The following FOXN3 variants were observed in gnomAD, a reference collection of about 807,000 sequenced individuals.
FOXN3 encodes forkhead box protein N3.
FOXN3 carries 7 observed loss-of-function variants against 38.4 expected under a neutral mutation model. That is an observed-to-expected ratio of 0.18 (90% CI 0.10 to 0.34). The LOEUF (loss-of-function observed/expected upper bound fraction) is 0.34. Among genes scored for constraint, FOXN3 ranks in the 10% least tolerant of loss-of-function variants. The pLI is 1.00. For synonymous variants in FOXN3, 230 were observed against 242.2 expected (o/e 0.95, Z 0.47); for missense variants, 456 against 613.4 (o/e 0.74, Z 2.71).
intron 1 of FOXN3, among the ~76,000 whole-genome samples, chr14:89,438,153 A>C (rs76107479): frequency 0.057 from 8,704 of 152,374 alleles, 325 homozygotes; most frequent in African/African-American, 0.098. Context: ...TAATTTAGTT[A>C]ATGTTTATTG....
chr14:89,281,170 A>G (rs912528625), intron 3 of FOXN3, among the ~76,000 whole-genome samples, 156 bp from the exon 4 acceptor site: 2 of 152,194 alleles, frequency 1.3e-5, no homozygotes, highest in Non-Finnish European at 2.9e-5. Flanking sequence ...GCTTTATTGT[A>G]AACAGGCTTC....
intron 1 of FOXN3, among the ~76,000 whole-genome samples, chr14:89,413,029 C>A (rs1259137877): frequency 6.6e-6 from 1 of 152,084 alleles, no homozygotes; most frequent in Non-Finnish European, 1.5e-5. Context: ...ACAAAACATG[C>A]CATAGAATTC....
At chr14:89,427,581 G>C (rs1174637859) in intron 1 of FOXN3, among the ~76,000 whole-genome samples, 2 of 150,528 alleles carry the variant, frequency 1.3e-5, no homozygotes, top group Non-Finnish European at 2.9e-5. Flanking sequence ...GCCTTCCAAA[G>C]TGCTGGGATT....
chr14:89,325,236 T>TC (rs1888020967), intron 3 of FOXN3, among the ~76,000 whole-genome samples: 1 of 23,946 alleles, frequency 4.2e-5, no homozygotes, highest in Non-Finnish European at 8.9e-5. Flanking sequence ...CCACCATCAC[T>TC]ACCACCACCA....
intron 1 of FOXN3, chr14:89,618,986 C>T (rs971578732): frequency 6.6e-6 from 1 of 152,404 alleles, no homozygotes; most frequent in African/African-American, 2.4e-5. Flanking sequence ...ATGCTAAACC[C>T]GAGCAGATTA....
At chr14:89,467,339 G>A (rs550875176) in intron 1 of FOXN3, among the ~76,000 whole-genome samples, 16 of 152,316 alleles carry the variant, frequency 1.1e-4, no homozygotes, top group South Asian at 4.1e-4. Flanking sequence ...TTCATTACAC[G>A]TTGTAGAAAA....
intron 4 of FOXN3, among the ~76,000 whole-genome samples, chr14:89,258,455 T>C (rs1349373926): frequency 6.6e-6 from 1 of 152,138 alleles, no homozygotes; most frequent in Non-Finnish European, 1.5e-5. Context: ...CCTCCACAGA[T>C]CTCTGGTGAG....
chr14:89,338,083 T>G (rs906924157), intron 3 of FOXN3, among the ~76,000 whole-genome samples: 1 of 152,142 alleles, frequency 6.6e-6, no homozygotes, highest in Non-Finnish European at 1.5e-5. Context: ...TCTGGCCTCG[T>G]GCATACCCAG....
At chr14:89,365,747 A>G (rs1890122360) in intron 2 of FOXN3, among the ~76,000 whole-genome samples, 1 of 152,248 alleles carries the variant, frequency 6.6e-6, no homozygotes, top group South Asian at 2.1e-4. Flanking sequence ...GGATCGTTTT[A>G]TATACTTCTA....
intron 4 of FOXN3, among the ~76,000 whole-genome samples, chr14:89,279,915 C>T (rs1886408131): frequency 6.6e-6 from 1 of 152,234 alleles, no homozygotes; most frequent in Admixed American, 6.5e-5. Context: ...TGTCTCTCTT[C>T]TTAACCATAC....
chr14:89,315,398 C>T (rs921667685), intron 3 of FOXN3, among the ~76,000 whole-genome samples: 1 of 152,076 alleles, frequency 6.6e-6, no homozygotes, highest in Admixed American at 6.6e-5. Flanking sequence ...AGGATGAAGC[C>T]AGGCGTCAAT....
At chr14:89,457,214 G>A (rs183106983) in intron 1 of FOXN3, among the ~76,000 whole-genome samples, 2 of 152,282 alleles carry the variant, frequency 1.3e-5, no homozygotes, top group East Asian at 1.9e-4. Flanking sequence ...TTGTCAGTTG[G>A]TGCATTCTTT....
At chr14:89,248,438 T>C (rs1885358712) in intron 4 of FOXN3, among the ~76,000 whole-genome samples, 2 of 152,150 alleles carry the variant, frequency 1.3e-5, no homozygotes. Context: ...ACTCTCCCCA[T>C]CCCTGTCTAC....
intron 4 of FOXN3, chr14:89,190,367 T>C (rs370206625): frequency 7.5e-6 from 12 of 1,599,346 alleles, no homozygotes; most frequent in Middle Eastern, 1.7e-4. Flanking sequence ...CTGTAGGCTA[T>C]AGAAATATCT....
At chr14:89,600,107 A>T (rs17776811) in intron 1 of FOXN3, among the ~76,000 whole-genome samples, 5 of 151,860 alleles carry the variant, frequency 3.3e-5, no homozygotes, top group Admixed American at 6.6e-5. Flanking sequence ...TTTAATTTTG[A>T]GCAGCTTTTC....
At chr14:89,346,892 T>A (rs891282844) in intron 3 of FOXN3, among the ~76,000 whole-genome samples, 2 of 152,206 alleles carry the variant, frequency 1.3e-5, no homozygotes, top group African/African-American at 4.8e-5. Flanking sequence ...TCATAGGTAT[T>A]TATTTTATAT....
Position 89,160,051 on chromosome 14 carries a change from G to A in FOXN3, c.*2363C>T, listed in dbSNP as rs1260729947. The A allele has an allele frequency of 6.6e-6, 1 of 152,194 alleles. No individual in the cohort carries two copies. The highest frequency in any genetic ancestry group is 1.5e-5 in the Non-Finnish European group (1 of 68,106). 9.4% of individuals were successfully genotyped at this position (152,194 alleles called of 1,614,324 possible). A position where few individuals can be genotyped will look rare whatever the true frequency, so the allele number is the denominator to read the frequency against. On this transcript the variant is annotated 3_prime_UTR_variant, in exon 6 of 6. Coordinates refer to ENST00000557258, the MANE Select transcript of FOXN3 (RefSeq NM_005197.4). The stretch of plus-strand genomic sequence containing the variant: ...TACCTCGTCCTGGCAGATGGGCTTG[G>A]CTTTGGCCCACAGCAGTCCCTTTTT...
chr14:89,354,291 A>G (rs989843378), intron 2 of FOXN3, among the ~76,000 whole-genome samples: 9 of 150,670 alleles, frequency 6.0e-5, no homozygotes, highest in African/African-American at 1.9e-4. Context: ...GCAGTGGCAC[A>G]ATCTTGGCTC....
intron 1 of FOXN3, among the ~76,000 whole-genome samples, chr14:89,423,409 A>C (rs1891958075): frequency 6.6e-6 from 1 of 152,228 alleles, no homozygotes; most frequent in Non-Finnish European, 1.5e-5. Flanking sequence ...TATTTTTATT[A>C]AGCCAACAAA....
Sources: gnomAD v4.1 joint callset for allele counts (sites outside exome capture counted in the v4.1 genomes callset) on GRCh38, gnomAD v4.1.1 for gene constraint, MANE v1.5 for transcripts, NCBI Gene and HGNC (gene_info 2026-07-23, HGNC 2026-07-21) for gene names.